The following KCNK10 variants were observed in gnomAD, a reference collection of about 807,000 sequenced individuals.
The protein encoded by KCNK10 is potassium two pore domain channel subfamily K member 10.
In KCNK10, 25 loss-of-function variants were observed where a neutral mutation model predicts 47.7. That is an observed-to-expected ratio of 0.52 (90% CI 0.38 to 0.73). KCNK10 has a LOEUF of 0.73. Among genes scored for constraint, KCNK10 ranks in the 30% least tolerant of loss-of-function variants. The probability of loss-of-function intolerance (pLI) is 0.00; values close to 1 mark genes in which losing one functional copy is unlikely to be tolerated. For synonymous variants in KCNK10, 303 were observed against 285.6 expected (o/e 1.06, Z -0.61); for missense variants, 563 against 714.5 (o/e 0.79, Z 2.42).
At chr14:88,199,755 G>A (rs1298542402) in intron 4 of KCNK10, among the ~76,000 whole-genome samples, 4 of 152,186 alleles carry the variant, frequency 2.6e-5, no homozygotes, top group African/African-American at 9.7e-5. Context: ...TAGCCCAGAG[G>A]CTACTAGACA....
intron 4 of KCNK10, among the ~76,000 whole-genome samples, chr14:88,215,505 G>T (rs1885589309): frequency 6.6e-6 from 1 of 152,156 alleles, no homozygotes; most frequent in Non-Finnish European, 1.5e-5. Context: ...GGGAACTACA[G>T]TTCAGATGAG....
upstream of KCNK10, chr14:88,326,571 G>T (rs1235180952): frequency 5.1e-6 from 4 of 780,882 alleles, no homozygotes. Flanking sequence ...CGTTCCTGCG[G>T]CAGGAAAACA....
intron 4 of KCNK10, among the ~76,000 whole-genome samples, chr14:88,207,261 C>T (rs567988928): frequency 4.0e-5 from 6 of 151,362 alleles, no homozygotes; most frequent in Non-Finnish European, 8.8e-5. Context: ...CAAGCTCCGC[C>T]TCCCAGGTTC....
intron 4 of KCNK10, among the ~76,000 whole-genome samples, chr14:88,210,843 A>G (rs1393574898): frequency 1.3e-5 from 2 of 151,344 alleles, no homozygotes; most frequent in African/African-American, 4.8e-5. Context: ...AAAAAAAAAA[A>G]ACAGAAAAAA....
At position 88,253,420 on chromosome 14, in the gene KCNK10, C is replaced by T. The variant is rs150275967; in HGVS notation, c.402+9782G>A. 4.4e-4 allele frequency among the ~76,000 whole-genome samples: 67 copies of T among 152,150 alleles called. 1 individual carries two copies. In the East Asian group the frequency reaches 0.012, roughly 28 times the overall value. On this transcript the variant is annotated intron_variant, in intron 2 of 6. Coordinates refer to ENST00000319231, the MANE Select transcript of KCNK10 (RefSeq NM_138317.3). ...ATAAATGTTTGAGATGATGAATATGCTAATTTCCCGGATCTGATCATCATA... is the reference window on the plus strand; with the variant it reads ...ATAAATGTTTGAGATGATGAATATGTTAATTTCCCGGATCTGATCATCATA...
intron 1 of KCNK10, among the ~76,000 whole-genome samples, chr14:88,309,927 T>G (rs1888276578): frequency 3.3e-5 from 5 of 151,844 alleles, no homozygotes; most frequent in Admixed American, 1.3e-4. Flanking sequence ...CCTCCAGAGC[T>G]CTCAGTCTGC....
intron 1 of KCNK10, among the ~76,000 whole-genome samples, chr14:88,309,351 C>T (rs1411812815): frequency 6.6e-6 from 1 of 152,142 alleles, no homozygotes; most frequent in African/African-American, 2.4e-5. Context: ...CCGGTAATTC[C>T]AGCACTTTGG....
intron 1 of KCNK10, among the ~76,000 whole-genome samples, chr14:88,299,486 G>T (rs1422519464): frequency 6.6e-6 from 1 of 152,200 alleles, no homozygotes; most frequent in African/African-American, 2.4e-5. Context: ...TCTAATAAAT[G>T]TATCTGGCTC....
intron 2 of KCNK10, among the ~76,000 whole-genome samples, chr14:88,249,433 G>A (rs1886733201): frequency 6.6e-6 from 1 of 152,184 alleles, no homozygotes; most frequent in South Asian, 2.1e-4. Context: ...ACTCACTGCA[G>A]TTGACTCACA....
In KCNK10 at chr14:88,186,262, CG is replaced by C; in HGVS notation, c.1012-108del. 7.5e-7 allele frequency: 1 copy of C among 1,325,236 alleles called. No individual in the cohort carries two copies. Among genetic ancestry groups the C allele is most frequent in the Non-Finnish European group, 1.0e-6 (1 of 989,584 alleles). The allele number at this position is 1,325,236 out of a possible 1,614,324, so 82.1% of individuals were successfully genotyped here. ...TCCCCACGGGGAGGCCAGGAGGTGA[CG>C]GAGCACATGCCCAGGGGGAGGTGCA... On this transcript the variant is annotated intron_variant, in intron 6 of 6. Coordinates refer to ENST00000319231, the MANE Select transcript of KCNK10 (RefSeq NM_138317.3). This position sits in a 1 kb window ranked among gnomAD's most constrained non-coding sequence, Gnocchi z 5.5.
intron 4 of KCNK10, among the ~76,000 whole-genome samples, chr14:88,195,797 C>A (rs1446706966): frequency 6.6e-6 from 1 of 152,166 alleles, no homozygotes; most frequent in Non-Finnish European, 1.5e-5. Flanking sequence ...TGTCAGGAAC[C>A]AGCTGCAGAG....
intron 4 of KCNK10, among the ~76,000 whole-genome samples, chr14:88,222,454 A>C (rs568693672): frequency 9.8e-5 from 15 of 152,356 alleles, no homozygotes; most frequent in African/African-American, 3.4e-4. Flanking sequence ...ACTATGTATG[A>C]TACTATAATG....
intron 4 of KCNK10, among the ~76,000 whole-genome samples, chr14:88,197,862 GA>G (rs1566681541): frequency 2.5e-4 from 12 of 48,246 alleles, no homozygotes; most frequent in South Asian, 5.2e-4. Context: ...AGGGAAGGGA[GA>G]GAGAGAGAGA....
chr14:88,305,509 G>A (rs1325027903), intron 1 of KCNK10, among the ~76,000 whole-genome samples: 1 of 152,076 alleles, frequency 6.6e-6, no homozygotes, highest in South Asian at 2.1e-4. Context: ...AAGATATCTT[G>A]GGGAGAAAAC....
chr14:88,210,856 A>C (rs1474395509), intron 4 of KCNK10, among the ~76,000 whole-genome samples: 1 of 151,530 alleles, frequency 6.6e-6, no homozygotes, highest in East Asian at 1.9e-4. Flanking sequence ...AGAAAAAAGC[A>C]AGTGTTGGTG....
chr14:88,290,718 G>T (rs1252339070), intron 1 of KCNK10, among the ~76,000 whole-genome samples: 2 of 152,196 alleles, frequency 1.3e-5, no homozygotes, highest in Non-Finnish European at 2.9e-5. Context: ...AAAATTTACA[G>T]ATGAAAACCT....
At chr14:88,270,154 C>G (rs1044790927) in intron 1 of KCNK10, among the ~76,000 whole-genome samples, 1 of 152,194 alleles carries the variant, frequency 6.6e-6, no homozygotes, top group African/African-American at 2.4e-5. Flanking sequence ...CCGGGGCCAC[C>G]TGCACTGATG....
chr14:88,266,682 G>A (rs1887267600), intron 1 of KCNK10, among the ~76,000 whole-genome samples: 1 of 152,188 alleles, frequency 6.6e-6, no homozygotes, highest in Admixed American at 6.5e-5. Flanking sequence ...TGGGCACAAA[G>A]GGGTGTGGTA....
Position 88,185,985 on chromosome 14 carries a change from C to T in KCNK10, c.1182G>A (p.Leu394=), listed in dbSNP as rs1186808049. ...RLGLDQRAHS[L]DMLSPEKRSV... is the part of the protein sequence containing the mutation. ...AGCGCTTCTCGGGGGACAGCATGTC[C>T]AGTGAGTGGGCCCGCTGGTCCAGGC... Residue 394 remains leucine (L), a synonymous_variant, in exon 7 of 7, where the codon CTG becomes CTA. Coordinates refer to ENST00000319231, the MANE Select transcript of KCNK10 (RefSeq NM_138317.3). This position sits in a 1 kb window ranked among gnomAD's most constrained non-coding sequence, Gnocchi z 4.3. 1.9e-6 allele frequency: 3 copies of T among 1,613,700 alleles called. No individual in the cohort carries two copies. Among genetic ancestry groups the T allele is most frequent in the Non-Finnish European group, 2.5e-6 (3 of 1,179,988 alleles).
Sources: allele counts gnomAD v4.1 joint callset (sites outside exome capture counted in the v4.1 genomes callset), GRCh38; gene constraint gnomAD v4.1.1; non-coding constraint Gnocchi (gnomAD v3.1); transcripts MANE v1.5; gene names NCBI Gene and HGNC (gene_info 2026-07-23, HGNC 2026-07-21).